PLD1: variants seen among roughly 807,000 people sequenced by gnomAD.
PLD1 encodes phospholipase D1.
Under a neutral mutation model 137.1 loss-of-function variants are expected in PLD1, and 112 were observed. The ratio of observed to expected loss-of-function variants is 0.82; its 90% CI spans 0.70 to 0.96. The LOEUF is 0.96. Among genes scored for constraint, PLD1 ranks in the 40% least tolerant of loss-of-function variants. The probability of loss-of-function intolerance (pLI) is 0.00; values close to 1 mark genes in which losing one functional copy is unlikely to be tolerated. For missense variants in PLD1, 1,321 were observed against 1,342.0 expected (o/e 0.98, Z 0.24); for synonymous variants, 431 against 454.7 (o/e 0.95, Z 0.66).
intron 19 of PLD1, among the ~76,000 whole-genome samples, chr3:171,669,632 C>T (rs890660907): frequency 1.3e-5 from 2 of 152,232 alleles, no homozygotes; most frequent in African/African-American, 4.8e-5. Flanking sequence ...AACTCCTGAC[C>T]TCAAGTAATC....
intron 21 of PLD1, among the ~76,000 whole-genome samples, chr3:171,652,566 A>G (rs1211817680): frequency 6.6e-6 from 1 of 152,042 alleles, no homozygotes; most frequent in Admixed American, 6.6e-5. Flanking sequence ...CTTTTAATCT[A>G]TCAAACATTG....
intron 16 of PLD1, among the ~76,000 whole-genome samples, chr3:171,684,707 C>A (rs1478418403): frequency 1.3e-5 from 2 of 152,182 alleles, no homozygotes; most frequent in Non-Finnish European, 2.9e-5. Flanking sequence ...GCAATTCTCC[C>A]ACCTCAGCTG....
At position 171,806,311 on chromosome 3, in the gene PLD1, C is replaced by CT. The variant is rs1723846752; in HGVS notation, c.-32+4087dup. ...TACACTTTTGCTTAATAACCCAGCACTAAAACAGCTGGGGTCCAGATTTTA... is the reference window on the plus strand; with the variant it reads ...TACACTTTTGCTTAATAACCCAGCACTTAAAACAGCTGGGGTCCAGATTTTA... On this transcript the variant is annotated intron_variant, in intron 1 of 26. Coordinates refer to ENST00000351298, the MANE Select transcript of PLD1 (RefSeq NM_002662.5). Among the ~76,000 whole-genome samples, 6 of 152,302 alleles carry CT rather than the reference C, an allele frequency of 3.9e-5. No individual in the cohort carries two copies. The South Asian group carries it at 1.2e-3, about 32-fold the overall frequency.
intron 11 of PLD1, among the ~76,000 whole-genome samples, chr3:171,705,363 G>GGAA (rs1716598138): frequency 6.6e-6 from 1 of 152,048 alleles, no homozygotes; most frequent in Non-Finnish European, 1.5e-5. Context: ...GAAAACTAAA[G>GGAA]ACAGAAGGAA....
At chr3:171,648,112 G>A (rs577582963) in intron 21 of PLD1, among the ~76,000 whole-genome samples, 63 of 152,174 alleles carry the variant, frequency 4.1e-4, no homozygotes, top group African/African-American at 1.5e-3. Flanking sequence ...ATCTGTTAAT[G>A]GACACTTATG....
At chr3:171,717,223 G>GT (rs111946582) in intron 8 of PLD1, among the ~76,000 whole-genome samples, 1 of 152,164 alleles carries the variant, frequency 6.6e-6, no homozygotes, top group East Asian at 1.9e-4. Flanking sequence ...TTTTAAAATA[G>GT]TTTTTTCTAG....
At chr3:171,714,515 G>A (rs1359789161) in intron 8 of PLD1, among the ~76,000 whole-genome samples, 1 of 152,184 alleles carries the variant, frequency 6.6e-6, no homozygotes, top group Non-Finnish European at 1.5e-5. Flanking sequence ...GGGCATAATA[G>A]TGCATACCAG....
intron 8 of PLD1, among the ~76,000 whole-genome samples, chr3:171,714,354 G>A (rs113781555): frequency 2.0e-5 from 3 of 152,168 alleles, no homozygotes; most frequent in Admixed American, 1.3e-4. Flanking sequence ...CAGGATGTAC[G>A]ACAGGAAGGG....
intron 23 of PLD1, among the ~76,000 whole-genome samples, chr3:171,635,673 C>G (rs1021955817): frequency 6.6e-6 from 1 of 151,854 alleles, no homozygotes; most frequent in Non-Finnish European, 1.5e-5. Flanking sequence ...ACACTAGTAC[C>G]TTATACATAT....
At chr3:171,777,671 C>G (rs1722635257) in intron 1 of PLD1, among the ~76,000 whole-genome samples, 1 of 152,158 alleles carries the variant, frequency 6.6e-6, no homozygotes, top group African/African-American at 2.4e-5. Flanking sequence ...GTTTGTGCCA[C>G]TGTCCCAACT....
chr3:171,631,182 C>G (rs1734630230), intron 23 of PLD1, among the ~76,000 whole-genome samples: 1 of 151,976 alleles, frequency 6.6e-6, no homozygotes, highest in Non-Finnish European at 1.5e-5. Context: ...TGAGTGTATA[C>G]CCTTAGGCTA....
intron 11 of PLD1, among the ~76,000 whole-genome samples, chr3:171,701,325 A>T (rs1578311627): frequency 6.6e-6 from 1 of 152,368 alleles, no homozygotes; most frequent in Admixed American, 6.5e-5. Context: ...GAAAAGATCA[A>T]AGAAGCATTA....
At chr3:171,627,533 C>T (rs1415471963) in intron 23 of PLD1, among the ~76,000 whole-genome samples, 1 of 139,790 alleles carries the variant, frequency 7.2e-6, no homozygotes, top group Non-Finnish European at 1.5e-5. Context: ...CAGAACTCTC[C>T]ACCCCAAATC....
chr3:171,713,871 T>C (rs1229786435), intron 9 of PLD1, 22 bp downstream of exon 9: 1 of 1,587,320 alleles, frequency 6.3e-7, no homozygotes. Flanking sequence ...AGAAATCTTT[T>C]TTAAATATTT....
At position 171,639,522 on chromosome 3, in the gene PLD1, CATATAAT is replaced by C. The variant is rs1271873691; in HGVS notation, c.2593+3311_2593+3317del. 8.3e-5 allele frequency among the ~76,000 whole-genome samples: 7 copies of C among 84,776 alleles called. No homozygotes were observed. The South Asian group carries it at 1.2e-3, about 14-fold the overall frequency. 55.6% of individuals were successfully genotyped at this position (84,776 alleles called of 152,430 possible). A position where few individuals can be genotyped will look rare whatever the true frequency, so the allele number is the denominator to read the frequency against. ...TAATACATAATAAATAATATATATTCATATAATATATATTATATAAATATATATTCAT... is the reference window on the plus strand; with the variant it reads ...TAATACATAATAAATAATATATATTCATATATTATATAAATATATATTCAT... On this transcript the variant is annotated intron_variant, in intron 23 of 26. Coordinates refer to ENST00000351298, the MANE Select transcript of PLD1 (RefSeq NM_002662.5).
chr3:171,778,584 C>A (rs1722667082), intron 1 of PLD1, among the ~76,000 whole-genome samples: 1 of 152,108 alleles, frequency 6.6e-6, no homozygotes, highest in Non-Finnish European at 1.5e-5. Flanking sequence ...AGTGAGGTGA[C>A]AGGCTCTGTA....
At chr3:171,604,065 G>C (rs566205048) in intron 26 of PLD1, among the ~76,000 whole-genome samples, 1 of 152,074 alleles carries the variant, frequency 6.6e-6, no homozygotes, top group Admixed American at 6.6e-5. Flanking sequence ...GGGGTCAGGC[G>C]CATTGGGTCA....
At chr3:171,613,847 T>C (rs1476717093) in intron 24 of PLD1, among the ~76,000 whole-genome samples, 1 of 152,198 alleles carries the variant, frequency 6.6e-6, no homozygotes, top group African/African-American at 2.4e-5. Context: ...TGCAGATTCA[T>C]GCATTTGAAT....
rs975785738 is a variant in PLD1 at position 171,612,158 on chromosome 3, G to C, written c.2882+121C>G. ...TGGTGGTACATATCCTATATTCTGG[G>C]ACACACTGTTTTAGATGAAGAAGAA... On this transcript the variant is annotated intron_variant, in intron 25 of 26. Coordinates refer to ENST00000351298, the MANE Select transcript of PLD1 (RefSeq NM_002662.5). This position sits in a 1 kb window ranked among gnomAD's most constrained non-coding sequence, Gnocchi z 4.1. The C allele has an allele frequency of 1.3e-6, 1 of 794,492 alleles. No homozygotes were observed. The highest frequency in any genetic ancestry group is 3.0e-4 in the Middle Eastern group (1 of 3,328). The allele number at this position is 794,492 out of a possible 1,614,324, so 49.2% of individuals were successfully genotyped here.
Sources: allele counts gnomAD v4.1 joint callset (sites outside exome capture counted in the v4.1 genomes callset), GRCh38; gene constraint gnomAD v4.1.1; non-coding constraint Gnocchi (gnomAD v3.1); transcripts MANE v1.5; gene names NCBI Gene and HGNC (gene_info 2026-07-23, HGNC 2026-07-21).